The following SGK1 variants were observed in gnomAD, a reference collection of about 807,000 sequenced individuals.
The protein encoded by SGK1 is serine/threonine-protein kinase Sgk1.
SGK1 carries 26 observed loss-of-function variants against 64.2 expected under a neutral mutation model. The observed-to-expected ratio is 0.40, with a 90% CI of 0.30 to 0.56. SGK1 has a LOEUF of 0.56. Among genes scored for constraint, SGK1 ranks in the 20% least tolerant of loss-of-function variants. The probability of loss-of-function intolerance (pLI) is 0.38; values close to 1 mark genes in which losing one functional copy is unlikely to be tolerated. For missense variants in SGK1, 519 were observed against 645.6 expected (o/e 0.80, Z 2.12); for synonymous variants, 265 against 239.7 (o/e 1.11, Z -0.98).
intron 2 of SGK1, among the ~76,000 whole-genome samples, chr6:134,252,239 A>G (rs1776616304): frequency 1.3e-5 from 2 of 152,278 alleles, no homozygotes; most frequent in South Asian, 4.1e-4. Flanking sequence ...TGACTCGAAC[A>G]GGGGTGACCT....
chr6:134,220,357 G>A (rs1248691302), intron 2 of SGK1, among the ~76,000 whole-genome samples: 2 of 152,092 alleles, frequency 1.3e-5, no homozygotes, highest in Non-Finnish European at 2.9e-5. Flanking sequence ...CTCTGAGGGA[G>A]GCCAAGTGGC....
chr6:134,197,742 C>G lies in SGK1; in HGVS notation c.361+9614G>C, dbSNP rs571413048. Reference sequence around the variant, plus strand: ...TTGGGAGGCAGAGGCAGGAGAATCACTTGAACCCGGGAGGTGGAGGTTGCA... The same window carrying G: ...TTGGGAGGCAGAGGCAGGAGAATCAGTTGAACCCGGGAGGTGGAGGTTGCA... On this transcript the variant is annotated intron_variant, in intron 3 of 13. Transcript: ENST00000367858. Among the ~76,000 whole-genome samples the G allele has an allele frequency of 1.5e-3, 230 of 151,920 alleles. 2 individuals are homozygous for G. Among genetic ancestry groups the G allele is most frequent in the Non-Finnish European group, 1.8e-3 (125 of 67,960 alleles).
chr6:134,316,124 A>G (rs1385499692), intron 1 of SGK1, among the ~76,000 whole-genome samples: 1 of 152,116 alleles, frequency 6.6e-6, no homozygotes, highest in Non-Finnish European at 1.5e-5. Context: ...AGACTTGGAG[A>G]AAGATTTTGC....
chr6:134,197,462 G>C lies in SGK1; in HGVS notation c.361+9894C>G, dbSNP rs530804445. ...GTTATGACCAGCCATCTGTAGTTCA[G>C]TTAATAGGTCAAGAATATCAGCAGC... On this transcript the variant is annotated intron_variant, in intron 3 of 13. Coordinates refer to ENST00000367858, the MANE Select transcript of SGK1 (RefSeq NM_001143676.3). 2.6e-5 allele frequency among the ~76,000 whole-genome samples: 4 copies of C among 152,216 alleles called. No homozygotes were observed. In the South Asian group the frequency reaches 8.3e-4, roughly 32 times the overall value.
intron 3 of SGK1, among the ~76,000 whole-genome samples, chr6:134,200,666 G>C (rs1039589675): frequency 4.6e-5 from 7 of 152,174 alleles, no homozygotes; most frequent in Admixed American, 3.9e-4. Context: ...CACTTTGGGA[G>C]GCCAAGGCAG....
intron 2 of SGK1, among the ~76,000 whole-genome samples, chr6:134,243,831 G>A (rs1056115187): frequency 6.6e-5 from 10 of 152,010 alleles, no homozygotes; most frequent in African/African-American, 2.4e-4. Context: ...GTTGTTTGTG[G>A]TTTTTAAGCT....
At chr6:134,198,960 A>T (rs1775637448) in intron 3 of SGK1, among the ~76,000 whole-genome samples, 2 of 152,118 alleles carry the variant, frequency 1.3e-5, no homozygotes, top group South Asian at 4.1e-4. Context: ...ATCATGGCTC[A>T]CCGCAGCCTC....
chr6:134,297,535 C>A, intron 1 of SGK1: 1 of 529,558 alleles, frequency 1.9e-6, no homozygotes, highest in Non-Finnish European at 3.6e-6. Context: ...CAGAGTCTCA[C>A]TCTGTCGCCC....
chr6:134,204,542 T>C (rs573187466), intron 3 of SGK1, among the ~76,000 whole-genome samples: 10 of 144,942 alleles, frequency 6.9e-5, no homozygotes, highest in African/African-American at 2.3e-4. Flanking sequence ...TCTGCATTAG[T>C]TTTTCTTGTA....
At chr6:134,227,940 A>ATT (rs1562258175) in intron 2 of SGK1, among the ~76,000 whole-genome samples, 2 of 121,802 alleles carry the variant, frequency 1.6e-5, no homozygotes, top group African/African-American at 6.4e-5. Context: ...AATGGAATTC[A>ATT]TTCTTTTTTT....
chr6:134,286,452 G>C (rs2114775976), intron 1 of SGK1, among the ~76,000 whole-genome samples: 1 of 151,616 alleles, frequency 6.6e-6, no homozygotes, highest in East Asian at 1.9e-4. Flanking sequence ...CACAGAGCAA[G>C]ACCTTGTCTA....
chr6:134,245,675 G>A (rs1365993889), intron 2 of SGK1, among the ~76,000 whole-genome samples: 4 of 152,168 alleles, frequency 2.6e-5, no homozygotes, highest in Admixed American at 6.5e-5. Flanking sequence ...GCAACATAGC[G>A]TAGACCTTGT....
At chr6:134,222,337 C>CT (rs754592511) in intron 2 of SGK1, among the ~76,000 whole-genome samples, 7,547 of 139,500 alleles carry the variant, frequency 0.054, 625 homozygotes, top group African/African-American at 0.18. Flanking sequence ...GAAAAAATTG[C>CT]TTTTTTTTTT....
At chr6:134,225,008 C>CAAAAAAA (rs779785039) in intron 2 of SGK1, among the ~76,000 whole-genome samples, 4 of 39,814 alleles carry the variant, frequency 1.0e-4, no homozygotes, top group East Asian at 8.6e-4. Flanking sequence ...GACTCCATCT[C>CAAAAAAA]AAAAAAAAAA....
Position 134,170,351 on chromosome 6 carries a change from C to T in SGK1, c.1498G>A (p.Val500Ile), listed in dbSNP as rs545423314. Residue 500 changes from valine to isoleucine, a missense_variant, in exon 14 of 14, where the codon GTC becomes ATC. Transcript: ENST00000367858. ...TCCTTGACGCTGGCTGTGACGAGGA[C>T]GCTGTCAGGGGACTTGCCAATGGAG... The part of the protein sequence containing the change: ...PNSIGKSPDS[V>I]LVTASVKEAA... The T allele has an allele frequency of 5.3e-5, 85 of 1,614,086 alleles. 1 individual carries two copies. The highest frequency in any genetic ancestry group is 3.0e-4 in the South Asian group (27 of 91,082).
intron 1 of SGK1, among the ~76,000 whole-genome samples, chr6:134,272,341 A>G (rs1273746348): frequency 7.6e-6 from 1 of 131,418 alleles, no homozygotes; most frequent in African/African-American, 2.8e-5. Flanking sequence ...TTTAGTAGAG[A>G]TGGGGTTTCA....
chr6:134,207,533 G>T, intron 2 of SGK1, 102 bp from the exon 3 acceptor site: 1 of 785,180 alleles, frequency 1.3e-6, no homozygotes, highest in Non-Finnish European at 2.2e-6. Context: ...GCTGAAACTA[G>T]TACATATGGC....
chr6:134,203,892 C>T (rs752604373), intron 3 of SGK1, among the ~76,000 whole-genome samples: 3 of 152,012 alleles, frequency 2.0e-5, no homozygotes, highest in South Asian at 4.1e-4. Flanking sequence ...GGCAAAACCC[C>T]GTCTCTACTA....
At position 134,177,556 on chromosome 6, in the gene SGK1, C is replaced by G. The variant is rs1293062427; in HGVS notation, c.362-2970G>C. 4 of 825,128 alleles carry G rather than the reference C, an allele frequency of 4.8e-6. No individual in the cohort carries two copies. The Admixed American group carries it at 9.4e-5, about 19-fold the overall frequency. 51.1% of individuals were successfully genotyped at this position (825,128 alleles called of 1,614,324 possible). Reference sequence around the variant, plus strand: ...GTTTTCAAACATTAAATTAAGAAACCTACAACCAGAGACCCTCTCCTACAC... The same window carrying G: ...GTTTTCAAACATTAAATTAAGAAACGTACAACCAGAGACCCTCTCCTACAC... On this transcript the variant is annotated intron_variant, in intron 3 of 13. Coordinates refer to ENST00000367858, the MANE Select transcript of SGK1 (RefSeq NM_001143676.3).
Sources: gnomAD v4.1 joint callset for allele counts (sites outside exome capture counted in the v4.1 genomes callset) on GRCh38, gnomAD v4.1.1 for gene constraint, MANE v1.5 for transcripts, NCBI Gene and HGNC (gene_info 2026-07-23, HGNC 2026-07-21) for gene names.